AFG2A: variants seen among roughly 807,000 people sequenced by gnomAD.
AFG2A encodes ATPase family gene 2 protein homolog A.
the AFG2A span, chr4:123,314,196 C>T: frequency 3.1e-6 from 2 of 639,014 alleles, no homozygotes; most frequent in South Asian, 7.3e-5. Flanking sequence ...AATTTAGGGG[C>T]TTTGGTTCTT....
chr4:123,028,316 A>G, the AFG2A span: 7 of 1,614,142 alleles, frequency 4.3e-6, no homozygotes, highest in Non-Finnish European at 5.1e-6. Context: ...GTTCTTCTCT[A>G]TGGGCCACCT....
At chr4:123,114,661 C>T in the AFG2A span, among the ~76,000 whole-genome samples, 1 of 152,214 alleles carries the variant, frequency 6.6e-6, no homozygotes, top group East Asian at 1.9e-4. Flanking sequence ...GACCCAGGCC[C>T]ACAGCCACAA....
the AFG2A span, among the ~76,000 whole-genome samples, chr4:123,062,450 A>G: frequency 1.3e-5 from 2 of 152,118 alleles, no homozygotes; most frequent in African/African-American, 4.8e-5. Context: ...TTTTAAAACT[A>G]TCATTTTTTT....
chr4:123,102,111 TA>T, the AFG2A span: 270 of 152,064 alleles, frequency 1.8e-3, 1 homozygote, highest in African/African-American at 6.2e-3. Context: ...ATCAATGTTA[TA>T]TAAAAGGATG....
At chr4:123,018,487 T>C in the AFG2A span, among the ~76,000 whole-genome samples, 273 of 152,300 alleles carry the variant, frequency 1.8e-3, 1 homozygote, top group Middle Eastern at 0.014. Flanking sequence ...AAAGATGATA[T>C]ACTGTCTGAA....
At chr4:122,984,303 T>C in the AFG2A span, among the ~76,000 whole-genome samples, 1 of 152,188 alleles carries the variant, frequency 6.6e-6, no homozygotes, top group Admixed American at 6.5e-5. Flanking sequence ...ATTAGTCTTG[T>C]ATCTGGAAAC....
chr4:122,974,365 G>A, the AFG2A span, among the ~76,000 whole-genome samples: 16 of 152,158 alleles, frequency 1.1e-4, no homozygotes, highest in Admixed American at 1.0e-3. Flanking sequence ...ATATTGGCAA[G>A]TATTGCCAGA....
the AFG2A span, among the ~76,000 whole-genome samples, chr4:123,174,332 G>C: frequency 2.0e-5 from 3 of 152,110 alleles, no homozygotes. Flanking sequence ...TGAAAACTTG[G>C]TTAAATGAAG....
At chr4:123,296,128 C>G in the AFG2A span, among the ~76,000 whole-genome samples, 2 of 150,678 alleles carry the variant, frequency 1.3e-5, no homozygotes, top group Non-Finnish European at 2.9e-5. Flanking sequence ...AAAAGAAGAG[C>G]AGCCATACAT....
At chr4:123,225,205 C>G in the AFG2A span, among the ~76,000 whole-genome samples, 1 of 152,146 alleles carries the variant, frequency 6.6e-6, no homozygotes, top group Admixed American at 6.5e-5. Flanking sequence ...TGCAGAAGTT[C>G]TTTAGTTTAT....
At chr4:123,105,911 G>GT in the AFG2A span, among the ~76,000 whole-genome samples, 23 of 152,336 alleles carry the variant, frequency 1.5e-4, no homozygotes, top group African/African-American at 5.5e-4. Context: ...AGTATATCGT[G>GT]TAAGTTTAGT....
chr4:123,238,584 C>T, the AFG2A span, among the ~76,000 whole-genome samples: 264 of 152,306 alleles, frequency 1.7e-3, 2 homozygotes, highest in Non-Finnish European at 1.7e-3. Flanking sequence ...AGACCTGTTG[C>T]TTAGGGACCT....
the AFG2A span, among the ~76,000 whole-genome samples, chr4:123,266,971 T>G: frequency 6.6e-6 from 1 of 151,996 alleles, no homozygotes; most frequent in Non-Finnish European, 1.5e-5. Context: ...CCCCAGTGTT[T>G]AGGTAATAAG....
At chr4:123,289,347 T>C in the AFG2A span, among the ~76,000 whole-genome samples, 1 of 152,172 alleles carries the variant, frequency 6.6e-6, no homozygotes, top group Non-Finnish European at 1.5e-5. Flanking sequence ...GACGTTACTT[T>C]GTTATTTTTT....
chr4:123,024,055 C>T, the AFG2A span, among the ~76,000 whole-genome samples: 1 of 151,430 alleles, frequency 6.6e-6, no homozygotes, highest in African/African-American at 2.4e-5. Flanking sequence ...GGTGACAGTA[C>T]TCATTTATCA....
chr4:123,288,774 C>T, the AFG2A span, among the ~76,000 whole-genome samples: 2 of 152,092 alleles, frequency 1.3e-5, no homozygotes, highest in Admixed American at 6.5e-5. Flanking sequence ...TTCTCAAGGC[C>T]GACCTCATTC....
the AFG2A span, among the ~76,000 whole-genome samples, chr4:123,111,537 T>G: frequency 6.6e-6 from 1 of 152,212 alleles, no homozygotes; most frequent in Admixed American, 6.5e-5. Context: ...TTAAGTTTTG[T>G]CACTTCATCA....
At chr4:123,255,862 CAT>C in the AFG2A span, among the ~76,000 whole-genome samples, 4 of 151,868 alleles carry the variant, frequency 2.6e-5, no homozygotes, top group Admixed American at 2.6e-4. Flanking sequence ...GTATCGGTGA[CAT>C]AGATTATGGA....
chr4:123,243,764 T>G, the AFG2A span, among the ~76,000 whole-genome samples: 1 of 151,984 alleles, frequency 6.6e-6, no homozygotes, highest in Non-Finnish European at 1.5e-5. Flanking sequence ...CAACCAGGTG[T>G]GGTGGTTCAC....
Sources: gnomAD v4.1 joint callset for allele counts (sites outside exome capture counted in the v4.1 genomes callset) on GRCh38, gnomAD v4.1.1 for gene constraint, MANE v1.5 for transcripts, NCBI Gene and HGNC (gene_info 2026-07-23, HGNC 2026-07-21) for gene names.